Variants in UMAD1 observed in about 807,000 individuals in gnomAD.
UMAD1 encodes UBAP1-MVB12-associated (UMA)-domain containing protein 1.
UMAD1 carries 8 observed loss-of-function variants against 6.1 expected under a neutral mutation model. That is an observed-to-expected ratio of 1.30 (90% CI 0.76 to 2.35). The LOEUF is 2.35. UMAD1 is among the 30% of genes most tolerant of loss of function. The probability of loss-of-function intolerance (pLI) is 0.00; values close to 1 mark genes in which losing one functional copy is unlikely to be tolerated. For synonymous variants in UMAD1, 56 were observed against 31.4 expected (o/e 1.78, Z -2.61); for missense variants, 130 against 78.4 (o/e 1.66, Z -2.49).
chr7:7,810,127 T>C (rs993427446), intron 3 of UMAD1, among the ~76,000 whole-genome samples: 1 of 152,030 alleles, frequency 6.6e-6, no homozygotes, highest in Admixed American at 6.6e-5. Context: ...AATTTTTTAG[T>C]ACAAAATGGT....
At chr7:7,656,078 G>A (rs6463712) in intron 1 of UMAD1, among the ~76,000 whole-genome samples, 3,293 of 152,008 alleles carry the variant, frequency 0.022, 106 homozygotes, top group African/African-American at 0.073. Context: ...CAGGTGATCC[G>A]CCTGCCTCTG....
chr7:7,833,178 T>A (rs1411424404), intron 3 of UMAD1, among the ~76,000 whole-genome samples: 8 of 151,646 alleles, frequency 5.3e-5, no homozygotes, highest in Admixed American at 5.3e-4. Context: ...TGATGGAGAG[T>A]GATAGACTAG....
At chr7:7,834,696 C>T (rs778842923) in intron 3 of UMAD1, among the ~76,000 whole-genome samples, 4 of 151,972 alleles carry the variant, frequency 2.6e-5, no homozygotes, top group African/African-American at 4.8e-5. Flanking sequence ...TTATGAATTT[C>T]TCTTACCCTA....
At position 7,815,078 on chromosome 7, in the gene UMAD1, A is replaced by G. The variant is rs1484476760; in HGVS notation, c.156+13335A>G. Among the ~76,000 whole-genome samples the G allele has an allele frequency of 3.3e-5, 5 of 152,132 alleles. No individual in the cohort carries two copies. The East Asian group carries it at 9.6e-4, about 29-fold the overall frequency. On this transcript the variant is annotated intron_variant, in intron 3 of 3. Transcript: ENST00000682710. ...AGTTGGATTTTTGATATCAGTATAG[A>G]GGATGTAGGACAAGTGCCTTTCTAA...
intron 2 of UMAD1, among the ~76,000 whole-genome samples, chr7:7,709,613 A>G (rs1447195190): frequency 2.6e-5 from 4 of 152,252 alleles, no homozygotes; most frequent in South Asian, 2.1e-4. Context: ...CTGTTTGCTC[A>G]GAAGTCATCT....
intron 3 of UMAD1, among the ~76,000 whole-genome samples, chr7:7,808,199 ATTC>A (rs1258259710): frequency 6.6e-6 from 1 of 152,108 alleles, no homozygotes; most frequent in South Asian, 2.1e-4. Context: ...CATCCTTTTC[ATTC>A]TTCTTTTTTC....
chr7:7,715,046 A>T (rs1305622116), intron 2 of UMAD1: 2 of 151,946 alleles, frequency 1.3e-5, no homozygotes, highest in African/African-American at 4.8e-5. Context: ...TTGTAGGCAA[A>T]TCCACAAATC....
Position 7,877,786 on chromosome 7 carries a change from G to C in UMAD1, c.*248G>C, listed in dbSNP as rs367724062. On this transcript the variant is annotated 3_prime_UTR_variant, in exon 4 of 4. Coordinates refer to ENST00000682710, the MANE Select transcript of UMAD1 (RefSeq NM_001302348.2). ...ATTAGGCTATGAAGGTTTTAGGAAA[G>C]GACTCGATTCCTTCAGATGGTCTCT... The C allele has an allele frequency of 3.4e-5, 15 of 443,840 alleles. No homozygotes were observed. The highest frequency in any genetic ancestry group is 3.0e-4 in the South Asian group (9 of 30,176). 27.5% of individuals were successfully genotyped at this position (443,840 alleles called of 1,614,324 possible).
intron 2 of UMAD1, among the ~76,000 whole-genome samples, chr7:7,769,731 T>A (rs927504112): frequency 6.6e-6 from 1 of 152,196 alleles, no homozygotes; most frequent in Non-Finnish European, 1.5e-5. Flanking sequence ...TAGTGTGGCA[T>A]GTTCTGGAAA....
At chr7:7,686,202 G>T (rs969853560) in intron 2 of UMAD1, among the ~76,000 whole-genome samples, 1 of 152,176 alleles carries the variant, frequency 6.6e-6, no homozygotes, top group East Asian at 1.9e-4. Context: ...GGCAGATTGT[G>T]TAAAGTTATA....
At chr7:7,815,049 T>C (rs1783097968) in intron 3 of UMAD1, among the ~76,000 whole-genome samples, 1 of 152,204 alleles carries the variant, frequency 6.6e-6, no homozygotes, top group Admixed American at 6.5e-5. Flanking sequence ...TTAGATGGCT[T>C]ACCAGTTGGA....
intron 2 of UMAD1, among the ~76,000 whole-genome samples, chr7:7,688,891 T>G (rs1780102879): frequency 6.6e-6 from 1 of 152,212 alleles, no homozygotes; most frequent in Admixed American, 6.5e-5. Flanking sequence ...GGTAATATCT[T>G]CTATTAAGGT....
intron 2 of UMAD1, among the ~76,000 whole-genome samples, chr7:7,754,889 C>T (rs998134381): frequency 2.0e-5 from 3 of 152,110 alleles, no homozygotes; most frequent in South Asian, 4.1e-4. Flanking sequence ...TCAACTTAAC[C>T]GTATGATTGC....
intron 2 of UMAD1, among the ~76,000 whole-genome samples, chr7:7,721,259 G>A (rs895937004): frequency 6.6e-5 from 10 of 152,172 alleles, no homozygotes; most frequent in South Asian, 6.2e-4. Context: ...TGCTATGGCA[G>A]CTTTAGGAAA....
intron 2 of UMAD1, chr7:7,736,618 TTTC>T (rs1347603235): frequency 2.6e-5 from 4 of 152,236 alleles, no homozygotes; most frequent in Non-Finnish European, 5.9e-5. Flanking sequence ...AGAACATGTT[TTTC>T]TTCATCTTAT....
At chr7:7,722,477 G>C (rs2115184655) in intron 2 of UMAD1, among the ~76,000 whole-genome samples, 1 of 152,258 alleles carries the variant, frequency 6.6e-6, no homozygotes, top group African/African-American at 2.4e-5. Context: ...TACCGCCCAT[G>C]TGAGACAAGG....
intron 2 of UMAD1, among the ~76,000 whole-genome samples, chr7:7,754,222 A>G (rs1194401436): frequency 2.6e-5 from 4 of 152,010 alleles, no homozygotes; most frequent in African/African-American, 4.8e-5. Context: ...AAACAAAAAA[A>G]ACAGTGTACA....
At chr7:7,691,411 A>G (rs1365767269) in intron 2 of UMAD1, among the ~76,000 whole-genome samples, 1 of 152,260 alleles carries the variant, frequency 6.6e-6, no homozygotes, top group African/African-American at 2.4e-5. Flanking sequence ...ATTACTAAAT[A>G]CATAATTTCA....
chr7:7,687,508 T>TATA (rs892769564), intron 2 of UMAD1, among the ~76,000 whole-genome samples: 3 of 152,346 alleles, frequency 2.0e-5, no homozygotes, highest in Admixed American at 6.5e-5. Flanking sequence ...CAGGGCCACA[T>TATA]ATAGGCCTTC....
Sources: gnomAD v4.1 joint callset for allele counts (sites outside exome capture counted in the v4.1 genomes callset) on GRCh38, gnomAD v4.1.1 for gene constraint, MANE v1.5 for transcripts, NCBI Gene and HGNC (gene_info 2026-07-23, HGNC 2026-07-21) for gene names.